Variants in SH3BGRL observed in about 807,000 individuals in gnomAD.
SH3BGRL encodes SH3 domain binding glutamate rich protein like, also known as adapter SH3BGRL.
A neutral mutation model predicts 9.8 loss-of-function variants in SH3BGRL; 7 were observed. The observed-to-expected ratio is 0.72, with a 90% CI of 0.41 to 1.35. The LOEUF is 1.35. SH3BGRL is among the 40% of genes most tolerant of loss of function. The pLI, the probability that SH3BGRL is intolerant of heterozygous loss-of-function variation, is 0.01. For synonymous variants in SH3BGRL, 36 were observed against 29.1 expected (o/e 1.24, Z -0.76); for missense variants, 73 against 84.4 (o/e 0.86, Z 0.53).
intron 3 of SH3BGRL, among the ~76,000 whole-genome samples, chrX:81,295,694 G>T (rs1255697034): frequency 2.7e-5 from 3 of 111,812 alleles, no homozygotes; most frequent in Non-Finnish European, 5.6e-5. Flanking sequence ...GGGGCACAGT[G>T]TCACCAGTCT....
intron 3 of SH3BGRL, among the ~76,000 whole-genome samples, chrX:81,286,371 G>A (rs1046393503): frequency 6.4e-5 from 7 of 109,169 alleles, no homozygotes; most frequent in African/African-American, 1.7e-4. Context: ...GAGGAGCTCC[G>A]GAGTCCATCT....
At chrX:81,255,441 T>A (rs886962012) in intron 1 of SH3BGRL, 1 of 112,131 alleles carries the variant, frequency 8.9e-6, no homozygotes, top group African/African-American at 3.2e-5. Context: ...TGAGAGAATT[T>A]TCTGTGGAAA....
At chrX:81,251,069 A>C (rs1472804304) in intron 1 of SH3BGRL, among the ~76,000 whole-genome samples, 1 of 112,245 alleles carries the variant, frequency 8.9e-6, no homozygotes, top group Non-Finnish European at 1.9e-5. Flanking sequence ...AAGACTTTTC[A>C]CAAGTCAAAG....
At position 81,266,837 on chromosome X, in the gene SH3BGRL, A is replaced by G. The variant is rs1473524959; in HGVS notation, c.46-10147A>G. Among the ~76,000 whole-genome samples, 26 of 112,237 alleles carry G rather than the reference A, an allele frequency of 2.3e-4. No homozygotes were observed. In the Admixed American group the frequency reaches 2.4e-3, roughly 11 times the overall value. ...ACGATATTGATTCTTCCTATCCATGAGCATGGAATGTTTTTCGATTTGTTT... is the reference window on the plus strand; with the variant it reads ...ACGATATTGATTCTTCCTATCCATGGGCATGGAATGTTTTTCGATTTGTTT... On this transcript the variant is annotated intron_variant, in intron 1 of 3. Transcript: ENST00000373212.
At chrX:81,291,853 A>G (rs1192181493) in intron 3 of SH3BGRL, among the ~76,000 whole-genome samples, 1 of 112,289 alleles carries the variant, frequency 8.9e-6, no homozygotes, top group Non-Finnish European at 1.9e-5. Context: ...CAATTATTAC[A>G]TCTTAAAGTT....
chrX:81,235,163 G>A (rs1165191535), intron 1 of SH3BGRL, among the ~76,000 whole-genome samples: 1 of 110,617 alleles, frequency 9.0e-6, no homozygotes, highest in African/African-American at 3.3e-5. Context: ...TTAGTACATA[G>A]TAGGCACTCA....
intron 3 of SH3BGRL, among the ~76,000 whole-genome samples, chrX:81,281,869 G>C (rs1238839344): frequency 1.8e-5 from 2 of 112,130 alleles, no homozygotes; most frequent in Non-Finnish European, 3.8e-5. Flanking sequence ...TGGCTTAAAT[G>C]CTTCACTTGA....
chrX:81,206,621 G>T (rs1297308503), intron 1 of SH3BGRL, among the ~76,000 whole-genome samples: 1 of 111,353 alleles, frequency 9.0e-6, no homozygotes, highest in Non-Finnish European at 1.9e-5. Flanking sequence ...GTAAGAGGTA[G>T]GGGAGGAAGT....
chrX:81,256,236 A>G (rs145358216), intron 1 of SH3BGRL, among the ~76,000 whole-genome samples: 47 of 112,110 alleles, frequency 4.2e-4, no homozygotes, highest in African/African-American at 1.3e-3. Context: ...AGATTTATCT[A>G]TTCATTGAGA....
chrX:81,271,883 C>G (rs779445559), intron 1 of SH3BGRL, among the ~76,000 whole-genome samples: 2 of 111,013 alleles, frequency 1.8e-5, no homozygotes, highest in South Asian at 7.7e-4. Context: ...TGTGGTTAAC[C>G]CTGAAATTGA....
At chrX:81,243,712 A>G (rs954382907) in intron 1 of SH3BGRL, among the ~76,000 whole-genome samples, 86 of 111,152 alleles carry the variant, frequency 7.7e-4, no homozygotes, top group African/African-American at 2.6e-3. Flanking sequence ...GCTCACAAAA[A>G]TTAAAAAAAA....
intron 2 of SH3BGRL, among the ~76,000 whole-genome samples, chrX:81,277,940 G>A (rs895695001): frequency 8.9e-6 from 1 of 111,738 alleles, no homozygotes; most frequent in Non-Finnish European, 1.9e-5. Flanking sequence ...TGATTCTGTC[G>A]ACCAGTCAGG....
At chrX:81,285,165 A>T in intron 3 of SH3BGRL, among the ~76,000 whole-genome samples, 1 of 111,500 alleles carries the variant, frequency 9.0e-6, no homozygotes, top group Non-Finnish European at 1.9e-5. Flanking sequence ...TTCCCCTTTA[A>T]CAGGATAATA....
chrX:81,238,644 G>A (rs887813881), intron 1 of SH3BGRL, among the ~76,000 whole-genome samples: 20 of 111,560 alleles, frequency 1.8e-4, no homozygotes, highest in African/African-American at 5.9e-4. Context: ...GGTTTTGAGC[G>A]AACAGGCAGT....
intron 1 of SH3BGRL, among the ~76,000 whole-genome samples, chrX:81,213,592 T>A (rs186166322): frequency 9.0e-6 from 1 of 111,272 alleles, no homozygotes; most frequent in Non-Finnish European, 1.9e-5. Context: ...GGGTATATTG[T>A]TACAGTTTTT....
chrX:81,271,257 A>C (rs976863968), intron 1 of SH3BGRL, among the ~76,000 whole-genome samples: 1 of 112,011 alleles, frequency 8.9e-6, no homozygotes, highest in Non-Finnish European at 1.9e-5. Context: ...GGCTGCACCC[A>C]CTGTCCATCC....
At position 81,238,816 on chromosome X, in the gene SH3BGRL, G is replaced by GAGAGAC. The variant is rs749172705; in HGVS notation, c.45+36576_45+36577insCAGAGA. ...ACAGAGAGAGAGAGAGAGAGAGAGA[G>GAGAGAC]AGAGAGAGAGGGAGAGAGAGACTCC... On this transcript the variant is annotated intron_variant, in intron 1 of 3. Coordinates refer to ENST00000373212, the MANE Select transcript of SH3BGRL (RefSeq NM_003022.3). Among the ~76,000 whole-genome samples the GAGAGAC allele has an allele frequency of 1.4e-3, 155 of 110,070 alleles. 2 individuals are homozygous for GAGAGAC. The highest frequency in any genetic ancestry group is 5.1e-3 in the African/African-American group (153 of 30,146).
At chrX:81,230,284 C>T (rs1271473917) in intron 1 of SH3BGRL, among the ~76,000 whole-genome samples, 1 of 112,122 alleles carries the variant, frequency 8.9e-6, no homozygotes, top group Non-Finnish European at 1.9e-5. Context: ...ATAGCCCCTA[C>T]TTTCATTAAT....
chrX:81,278,216 G>A (rs2075804452), intron 2 of SH3BGRL, 115 bp from the exon 3 acceptor site: 2 of 481,541 alleles, frequency 4.2e-6, no homozygotes, highest in South Asian at 4.1e-5. Context: ...GCCCACCTCG[G>A]CCTCCCAAAG....
Sources: allele counts gnomAD v4.1 joint callset (sites outside exome capture counted in the v4.1 genomes callset), GRCh38; gene constraint gnomAD v4.1.1; transcripts MANE v1.5; gene names NCBI Gene and HGNC (gene_info 2026-07-23, HGNC 2026-07-21).